The following CCDC169 variants were observed in gnomAD, a reference collection of about 807,000 sequenced individuals.
The protein encoded by CCDC169 is coiled-coil domain-containing protein 169.
In CCDC169, 30 loss-of-function variants were observed where a neutral mutation model predicts 36.0. That is an observed-to-expected ratio of 0.83 (90% CI 0.62 to 1.13). The LOEUF (loss-of-function observed/expected upper bound fraction) is 1.13. Ranked by LOEUF, CCDC169 falls within the 50% of genes most tolerant of loss-of-function variation. CCDC169 has a pLI of 0.00. For synonymous variants in CCDC169, 85 were observed against 81.5 expected (o/e 1.04, Z -0.23); for missense variants, 245 against 245.9 (o/e 1.00, Z 0.03).
intron 4 of CCDC169, among the ~76,000 whole-genome samples, chr13:36,257,228 G>A (rs944956623): frequency 2.6e-5 from 4 of 152,192 alleles, no homozygotes; most frequent in African/African-American, 9.6e-5. Context: ...GCAGCCCCTA[G>A]CTCAGGCCAT....
rs200099652 is a variant in CCDC169, at chr13:36,267,551, GA to G, written c.316-13409del. ...AGGGACTATAAAACAATAACACAAT[GA>G]AAAAAAACTATCTAGGTAACAATTA... On this transcript the variant is annotated intron_variant, in intron 4 of 7. Coordinates refer to ENST00000239859, the MANE Select transcript of CCDC169 (RefSeq NM_001144981.3). Among the ~76,000 whole-genome samples, 712 of 151,666 alleles carry G rather than the reference GA, an allele frequency of 4.7e-3. 4 individuals are homozygous for G. Among genetic ancestry groups the G allele is most frequent in the African/African-American group, 0.016 (680 of 41,360 alleles).
chr13:36,223,938 G>A (rs1173760528), downstream of CCDC169: 1 of 152,004 alleles, frequency 6.6e-6, no homozygotes, highest in African/African-American at 2.4e-5. Context: ...GAAAATAATA[G>A]TACTAAAATT....
intron 4 of CCDC169, 146 bp from the exon 5 acceptor site, chr13:36,254,289 T>A (rs1375534157): frequency 1.8e-6 from 1 of 570,134 alleles, no homozygotes; most frequent in Admixed American, 3.9e-5. Context: ...TTTTTTTTTT[T>A]TTTTTAGACA....
chr13:36,246,049 A>T (rs1594013640), intron 7 of CCDC169, among the ~76,000 whole-genome samples: 1 of 152,190 alleles, frequency 6.6e-6, no homozygotes, highest in Non-Finnish European at 1.5e-5. Flanking sequence ...GTATGTTCTG[A>T]CTGCTCTACC....
Position 36,239,126 on chromosome 13 carries a change from T to C in CCDC169, c.546-7834A>G, listed in dbSNP as rs948973099. ...GGTGGCTCATGCCTATAGTCCTAGC[T>C]ACTCAGGAGGCTGAGGCAGGGGGAT... On this transcript the variant is annotated intron_variant, in intron 7 of 7. Transcript: ENST00000239859. Among the ~76,000 whole-genome samples, 55 of 151,952 alleles carry C rather than the reference T, an allele frequency of 3.6e-4. 1 individual carries two copies.
At chr13:36,297,605 G>A (rs1053038642) in intron 1 of CCDC169, 32 bp downstream of exon 1, 4 of 1,540,276 alleles carry the variant, frequency 2.6e-6, no homozygotes, top group Non-Finnish European at 3.5e-6. Flanking sequence ...GGGTGTGGAC[G>A]GGACCCCACA....
intron 7 of CCDC169, among the ~76,000 whole-genome samples, chr13:36,233,216 A>G (rs1870647690): frequency 8.0e-6 from 1 of 124,314 alleles, no homozygotes; most frequent in Admixed American, 8.2e-5. Context: ...CCCTAAGCTA[A>G]CTCAGCAGAG....
At chr13:36,279,392 C>G (rs919891098) in intron 4 of CCDC169, among the ~76,000 whole-genome samples, 3 of 152,160 alleles carry the variant, frequency 2.0e-5, no homozygotes, top group Non-Finnish European at 4.4e-5. Flanking sequence ...ACTGAACTAA[C>G]TGTAGAGCTG....
chr13:36,256,673 T>C (rs545089023), intron 4 of CCDC169, among the ~76,000 whole-genome samples: 9 of 152,256 alleles, frequency 5.9e-5, no homozygotes, highest in Admixed American at 1.3e-4. Flanking sequence ...TTTTGAGTGA[T>C]CAAGGACTGA....
intron 4 of CCDC169, among the ~76,000 whole-genome samples, chr13:36,277,898 T>C (rs1362201249): frequency 1.3e-5 from 2 of 149,984 alleles, no homozygotes; most frequent in African/African-American, 2.5e-5. Context: ...TGACCCGAGA[T>C]CGTGCCATTG....
chr13:36,272,757 A>G (rs1206645694), intron 4 of CCDC169, among the ~76,000 whole-genome samples: 1 of 152,146 alleles, frequency 6.6e-6, no homozygotes, highest in African/African-American at 2.4e-5. Flanking sequence ...TTAGACCTCT[A>G]TCTCACTCAC....
At chr13:36,234,824 G>A (rs1870880779) in intron 7 of CCDC169, among the ~76,000 whole-genome samples, 1 of 152,080 alleles carries the variant, frequency 6.6e-6, no homozygotes, top group South Asian at 2.1e-4. Flanking sequence ...TAAAAAAATA[G>A]TAGAGACTTT....
At chr13:36,263,010 A>G (rs1874786073) in intron 4 of CCDC169, among the ~76,000 whole-genome samples, 1 of 152,226 alleles carries the variant, frequency 6.6e-6, no homozygotes, top group Non-Finnish European at 1.5e-5. Flanking sequence ...ATGCTGGTCA[A>G]ACCAAACCAA....
rs1182902431 is a variant in CCDC169, at chr13:36,297,780, A to C, written c.-61T>G. The stretch of plus-strand genomic sequence containing the variant: ...CAGCACCTTAGAGCACAAGACATTA[A>C]GGGCCACCCAGAAGCCAGTACGGCA... On this transcript the variant is annotated 5_prime_UTR_variant, in exon 1 of 8. Transcript: ENST00000239859. 1 of 1,472,462 alleles carries C rather than the reference A, an allele frequency of 6.8e-7. No homozygotes were observed. The highest frequency in any genetic ancestry group is 2.5e-5 in the East Asian group (1 of 40,504). 91.2% of individuals were successfully genotyped at this position (1,472,462 alleles called of 1,614,324 possible). A position where few individuals can be genotyped will look rare whatever the true frequency, so the allele number is the denominator to read the frequency against.
chr13:36,228,024 A>G (rs148556336), downstream of CCDC169, among the ~76,000 whole-genome samples: 688 of 152,344 alleles, frequency 4.5e-3, 16 homozygotes, highest in Admixed American at 0.041. Flanking sequence ...CTGCCAAATA[A>G]TATCCATTGT....
At chr13:36,239,216 CA>C (rs1871446422) in intron 7 of CCDC169, among the ~76,000 whole-genome samples, 1 of 145,380 alleles carries the variant, frequency 6.9e-6, no homozygotes, top group African/African-American at 2.6e-5. Flanking sequence ...GTAGCTGGGG[CA>C]ACAGCACAAG....
intron 2 of CCDC169, among the ~76,000 whole-genome samples, chr13:36,291,367 T>C (rs1594094083): frequency 6.6e-6 from 1 of 152,342 alleles, no homozygotes. Flanking sequence ...ACTAAACAGT[T>C]ATGCCTTTAT....
intron 7 of CCDC169, among the ~76,000 whole-genome samples, chr13:36,239,615 G>A (rs1405819887): frequency 6.6e-6 from 1 of 152,052 alleles, no homozygotes; most frequent in Non-Finnish European, 1.5e-5. Flanking sequence ...TTGAATTAGG[G>A]ATTTTTAAAA....
At chr13:36,236,514 G>A (rs1472499411) in intron 7 of CCDC169, among the ~76,000 whole-genome samples, 1 of 151,970 alleles carries the variant, frequency 6.6e-6, no homozygotes. Flanking sequence ...TGGGTGAAAA[G>A]GGAGCTAAAA....
Sources: gnomAD v4.1 joint callset for allele counts (sites outside exome capture counted in the v4.1 genomes callset) on GRCh38, gnomAD v4.1.1 for gene constraint, MANE v1.5 for transcripts, NCBI Gene and HGNC (gene_info 2026-07-23, HGNC 2026-07-21) for gene names.